The following COA1 variants were observed in gnomAD, a reference collection of about 807,000 sequenced individuals.
The protein encoded by COA1 is cytochrome c oxidase assembly factor 1 homolog.
In COA1, 13 loss-of-function variants were observed where a neutral mutation model predicts 16.0. The observed-to-expected ratio is 0.81, with a 90% CI of 0.53 to 1.29. COA1 has a LOEUF of 1.29. Among genes scored for constraint, COA1 ranks in the 50% most tolerant of loss-of-function variants. COA1 has a pLI of 0.00. For missense variants in COA1, 179 were observed against 177.0 expected (o/e 1.01, Z -0.06); for synonymous variants, 65 against 65.7 (o/e 0.99, Z 0.05).
chr7:43,625,551 C>G (rs2084414033), intron 6 of COA1: 1 of 152,186 alleles, frequency 6.6e-6, no homozygotes, highest in Non-Finnish European at 1.5e-5. Context: ...AGCTGCTTCC[C>G]TCATCACACC....
chr7:43,677,596 C>T (rs1225383007), intron 1 of COA1, among the ~76,000 whole-genome samples: 1 of 151,894 alleles, frequency 6.6e-6, no homozygotes, highest in Non-Finnish European at 1.5e-5. Flanking sequence ...GTCAGGAGTT[C>T]GAAATCAGCC....
intron 1 of COA1, among the ~76,000 whole-genome samples, chr7:43,710,462 A>G (rs2095205493): frequency 6.7e-6 from 1 of 149,560 alleles, no homozygotes; most frequent in Admixed American, 6.7e-5. Flanking sequence ...GTTATAAAAT[A>G]TGGGTCATGT....
chr7:43,704,374 T>C (rs190253750), intron 1 of COA1, among the ~76,000 whole-genome samples: 107 of 152,308 alleles, frequency 7.0e-4, no homozygotes, highest in Non-Finnish European at 1.3e-3. Flanking sequence ...ATAGCAAGGT[T>C]GGGGAAATTT....
intron 5 of COA1, among the ~76,000 whole-genome samples, chr7:43,640,023 G>A (rs929451967): frequency 6.6e-6 from 1 of 152,208 alleles, no homozygotes; most frequent in Non-Finnish European, 1.5e-5. Context: ...AGGCTCAGAG[G>A]TCAGTGAGCC....
chr7:43,722,126 T>C (rs1467938815), intron 1 of COA1, among the ~76,000 whole-genome samples: 1 of 150,522 alleles, frequency 6.6e-6, no homozygotes, highest in Non-Finnish European at 1.5e-5. Context: ...GGTCTCACTC[T>C]GTCACTCAGG....
chr7:43,684,759 C>T (rs2093940184), intron 1 of COA1, among the ~76,000 whole-genome samples: 2 of 152,186 alleles, frequency 1.3e-5, no homozygotes, highest in African/African-American at 4.8e-5. Context: ...AAAAGTGGCA[C>T]ACTCTATAGT....
intron 1 of COA1, among the ~76,000 whole-genome samples, chr7:43,655,735 G>C (rs1859876): frequency 0.1 from 15,448 of 152,186 alleles, 984 homozygotes; most frequent in Admixed American, 0.19. Flanking sequence ...CCTGATAGTT[G>C]TATCTTCCCC....
chr7:43,719,114 T>C (rs1201787183), intron 1 of COA1, among the ~76,000 whole-genome samples: 5 of 151,782 alleles, frequency 3.3e-5, no homozygotes, highest in African/African-American at 1.2e-4. Context: ...TGGGATTACA[T>C]GCGCCACCAC....
At chr7:43,623,554 TTC>T (rs776055260) in intron 6 of COA1, 1 of 1,603,836 alleles carries the variant, frequency 6.2e-7, no homozygotes, top group African/African-American at 1.3e-5. Context: ...AAATGTTTTC[TTC>T]TCTTTCTGAT....
At chr7:43,623,752 C>A in intron 6 of COA1, 1 of 1,606,628 alleles carries the variant, frequency 6.2e-7, no homozygotes, top group Non-Finnish European at 8.5e-7. Context: ...AGGAATATCA[C>A]CTTTCTTAGG....
chr7:43,613,043 G>T (rs1188167245), intron 6 of COA1, among the ~76,000 whole-genome samples: 3 of 152,202 alleles, frequency 2.0e-5, no homozygotes, highest in African/African-American at 7.2e-5. Flanking sequence ...ATTCAGTACA[G>T]CGGCCTGGTT....
chr7:43,643,645 T>C (rs1230128495), intron 4 of COA1, among the ~76,000 whole-genome samples: 1 of 152,220 alleles, frequency 6.6e-6, no homozygotes, highest in East Asian at 1.9e-4. Context: ...CCAAGTTCTG[T>C]CACTTGGATG....
chr7:43,695,873 G>A (rs1239544473), intron 1 of COA1, among the ~76,000 whole-genome samples: 2 of 152,168 alleles, frequency 1.3e-5, no homozygotes, highest in African/African-American at 4.8e-5. Flanking sequence ...CTAGACCCCA[G>A]GGCCTACAGC....
chr7:43,712,921 A>G (rs560250250), intron 1 of COA1, among the ~76,000 whole-genome samples: 3 of 151,600 alleles, frequency 2.0e-5, no homozygotes, highest in African/African-American at 7.3e-5. Context: ...GTACAATTTG[A>G]GGTTTAAATA....
At chr7:43,635,131 A>G (rs1031020836), downstream of COA1, among the ~76,000 whole-genome samples, 11 of 152,308 alleles carry the variant, frequency 7.2e-5, no homozygotes, top group African/African-American at 2.6e-4. Context: ...ATATATGCTT[A>G]TAAATATAAC....
chr7:43,717,302 C>G (rs150380369), intron 1 of COA1, among the ~76,000 whole-genome samples: 2 of 152,184 alleles, frequency 1.3e-5, no homozygotes, highest in African/African-American at 2.4e-5. Context: ...TGCAAAGCCA[C>G]AGGGGTGGAG....
intron 1 of COA1, among the ~76,000 whole-genome samples, chr7:43,664,341 T>C (rs917665367): frequency 7.2e-5 from 11 of 152,178 alleles, no homozygotes; most frequent in African/African-American, 2.4e-4. Context: ...GTGACCAAAT[T>C]CCCTTCCTTT....
At chr7:43,617,101 T>C (rs1435651570) in intron 6 of COA1, among the ~76,000 whole-genome samples, 2 of 152,196 alleles carry the variant, frequency 1.3e-5, no homozygotes, top group Admixed American at 1.3e-4. Flanking sequence ...ATGGCAAGTA[T>C]GAGACTGGAA....
At chr7:43,669,328 G>C (rs2093102793) in intron 1 of COA1, among the ~76,000 whole-genome samples, 1 of 152,090 alleles carries the variant, frequency 6.6e-6, no homozygotes, top group South Asian at 2.1e-4. Flanking sequence ...GCAAACCCCA[G>C]CTCTTAGAGC....
Sources: gnomAD v4.1 joint callset for allele counts (sites outside exome capture counted in the v4.1 genomes callset) on GRCh38, gnomAD v4.1.1 for gene constraint, MANE v1.5 for transcripts, NCBI Gene and HGNC (gene_info 2026-07-23, HGNC 2026-07-21) for gene names.